Variants in SNX4 observed in about 807,000 individuals in gnomAD.
The protein encoded by SNX4 is sorting nexin-4.
In SNX4, 49 loss-of-function variants were observed where a neutral mutation model predicts 70.8. The ratio of observed to expected loss-of-function variants is 0.69; its 90% CI spans 0.55 to 0.88. The LOEUF (loss-of-function observed/expected upper bound fraction) is 0.88. Ranked by LOEUF, SNX4 falls within the 40% of genes least tolerant of loss-of-function variation. The pLI, the probability that SNX4 is intolerant of heterozygous loss-of-function variation, is 0.00. For missense variants in SNX4, 528 were observed against 544.8 expected, an observed-to-expected ratio of 0.97 and a Z score of 0.31; for synonymous variants, 206 against 183.8, an observed-to-expected ratio of 1.12 and a Z score of -0.98.
intron 6 of SNX4, among the ~76,000 whole-genome samples, chr3:125,482,186 T>C (rs1330704329): frequency 6.6e-6 from 1 of 152,222 alleles, no homozygotes; most frequent in Non-Finnish European, 1.5e-5. Context: ...ATGATCTACA[T>C]ATTGCTAAAT....
intron 2 of SNX4, among the ~76,000 whole-genome samples, chr3:125,503,367 C>G (rs1328336012): frequency 2.0e-5 from 3 of 152,158 alleles, no homozygotes; most frequent in Non-Finnish European, 4.4e-5. Context: ...TGAGTCTTCC[C>G]TTGCCTTTCT....
chr3:125,481,131 C>T (rs1312405550), intron 6 of SNX4, among the ~76,000 whole-genome samples: 1 of 152,204 alleles, frequency 6.6e-6, no homozygotes, highest in African/African-American at 2.4e-5. Context: ...CTTCCATTCC[C>T]ATATACTGCA....
Position 125,451,392 on chromosome 3 carries a change from A to T in SNX4, c.1218T>A (p.Asp406Glu). ...GREFVKNAWA[D>E]IERFKEQKNR... Reference sequence around the variant, plus strand: ...TCTTTTGTTCTTTGAAGCGTTCAATATCAGCCCATGCGTTTTTCACAAATT... The same window carrying T: ...TCTTTTGTTCTTTGAAGCGTTCAATTTCAGCCCATGCGTTTTTCACAAATT... Residue 406 changes from aspartate (D) to glutamate (E), a missense_variant, in exon 13 of 14, where the codon GAT becomes GAA. This residue lies in a region of SNX4 where 159 missense variants were observed against 172.6 expected (regional missense o/e 0.92). Coordinates refer to ENST00000251775, the MANE Select transcript of SNX4 (RefSeq NM_003794.4). 6.2e-7 allele frequency: 1 copy of T among 1,613,682 alleles called. No individual in the cohort carries two copies. Among genetic ancestry groups the T allele is most frequent in the African/African-American group, 1.3e-5 (1 of 75,038 alleles).
chr3:125,517,584 C>T (rs926469626), intron 1 of SNX4, among the ~76,000 whole-genome samples: 3 of 152,192 alleles, frequency 2.0e-5, no homozygotes, highest in African/African-American at 4.8e-5. Flanking sequence ...GGAAGGAATG[C>T]ACTGAATGTA....
rs1382096789 is a variant in SNX4 at position 125,452,927 on chromosome 3, A to G, written c.1190+883T>C. 3.3e-5 allele frequency among the ~76,000 whole-genome samples: 5 copies of G among 152,142 alleles called. No individual in the cohort carries two copies. The South Asian group carries it at 6.2e-4, about 19-fold the overall frequency. ...CTACCGCGCCCGGCCTGTCTTTTTT[A>G]ATTCTATCTATTACTTTGCCATATT... is the stretch of plus-strand genomic sequence containing the variant. On this transcript the variant is annotated intron_variant, in intron 12 of 13. Transcript: ENST00000251775.
At chr3:125,519,051 C>T (rs1191726648) in intron 1 of SNX4, among the ~76,000 whole-genome samples, 4 of 151,504 alleles carry the variant, frequency 2.6e-5, no homozygotes, top group South Asian at 2.1e-4. Flanking sequence ...TTTAGCCGTG[C>T]GTGGTGGTGT....
chr3:125,492,828 T>A (rs1330986848), intron 5 of SNX4, among the ~76,000 whole-genome samples: 1 of 152,074 alleles, frequency 6.6e-6, no homozygotes, highest in Non-Finnish European at 1.5e-5. Context: ...TCTCTCAGAG[T>A]TCCTGTGCAA....
intron 8 of SNX4, among the ~76,000 whole-genome samples, chr3:125,470,281 T>C (rs1164125586): frequency 6.6e-6 from 1 of 152,144 alleles, no homozygotes; most frequent in African/African-American, 2.4e-5. Context: ...TATTTTCCCA[T>C]ACTATTAAAA....
chr3:125,495,250 T>TTATATATATATATATATATATATATA (rs759787193), intron 5 of SNX4, among the ~76,000 whole-genome samples: 672 of 37,862 alleles, frequency 0.018, 74 homozygotes, highest in Non-Finnish European at 0.031. Context: ...CATTCTCTCT[T>TTATATATATATATATATATATATATA]TATATATATA....
intron 6 of SNX4, among the ~76,000 whole-genome samples, chr3:125,488,632 T>C (rs925229861): frequency 8.5e-5 from 13 of 152,208 alleles, no homozygotes; most frequent in Non-Finnish European, 1.6e-4. Context: ...TCAGGCATAA[T>C]AGGTCATCAG....
chr3:125,506,817 T>TGAAAAAAAAAAAAAAAAAAAAAAAAA (rs199752160), intron 1 of SNX4, among the ~76,000 whole-genome samples: 1 of 26,820 alleles, frequency 3.7e-5, no homozygotes, highest in African/African-American at 9.7e-5. Flanking sequence ...GTGGAGAAAG[T>TGAAAAAAAAAAAAAAAAAAAAAAAAA]AAAAAAAAAA....
At chr3:125,472,201 G>GA (rs1328401920) in intron 8 of SNX4, among the ~76,000 whole-genome samples, 1 of 151,662 alleles carries the variant, frequency 6.6e-6, no homozygotes, top group Admixed American at 6.6e-5. Context: ...TTTCAATTAA[G>GA]AAAAAAAAGC....
intron 7 of SNX4, among the ~76,000 whole-genome samples, chr3:125,478,329 C>G (rs2107543974): frequency 6.6e-6 from 1 of 152,042 alleles, no homozygotes; most frequent in Admixed American, 6.6e-5. Context: ...CTTGGCCTCC[C>G]AAAGTGCTGG....
intron 10 of SNX4, among the ~76,000 whole-genome samples, chr3:125,460,436 T>C (rs969977959): frequency 6.6e-6 from 1 of 152,138 alleles, no homozygotes; most frequent in Admixed American, 6.5e-5. Flanking sequence ...AGAATAAAAA[T>C]AGCAATATAC....
intron 9 of SNX4, among the ~76,000 whole-genome samples, chr3:125,461,266 C>T (rs896682094): frequency 6.6e-6 from 1 of 152,078 alleles, no homozygotes. Flanking sequence ...AACAGCAATT[C>T]TAAGTGTGGC....
Position 125,495,275 on chromosome 3 carries a change from T to TATATATATATATACACACACACAC in SNX4, c.597+2065_597+2066insGTGTGTGTGTGTATATATATATAT. Among the ~76,000 whole-genome samples the TATATATATATATACACACACACAC allele has an allele frequency of 1.1e-3, 93 of 83,048 alleles. 2 individuals are homozygous for TATATATATATATACACACACACAC. The highest frequency in any genetic ancestry group is 3.2e-3 in the African/African-American group (87 of 27,576). The allele number at this position is 83,048 out of a possible 152,430, so 54.5% of individuals were successfully genotyped here. A position where few individuals can be genotyped will look rare whatever the true frequency, so the allele number is the denominator to read the frequency against. On this transcript the variant is annotated intron_variant, in intron 5 of 13. Transcript: ENST00000251775. ...TTATATATATATATATATATATATA[T>TATATATATATATACACACACACAC]ATACACATACACACACACACACGTA...
intron 9 of SNX4, among the ~76,000 whole-genome samples, chr3:125,463,325 T>C (rs901913822): frequency 9.2e-5 from 14 of 152,192 alleles, no homozygotes; most frequent in Non-Finnish European, 1.6e-4. Context: ...CCTAAGTCTA[T>C]GATTCTGGAA....
At chr3:125,503,934 C>A (rs960920368) in intron 2 of SNX4, among the ~76,000 whole-genome samples, 2 of 152,160 alleles carry the variant, frequency 1.3e-5, no homozygotes, top group Non-Finnish European at 2.9e-5. Flanking sequence ...CAGTGGCTCA[C>A]ACGAGTAATC....
chr3:125,497,820 TA>T lies in SNX4; in HGVS notation c.549+13del. 2 of 1,555,528 alleles carry T rather than the reference TA, an allele frequency of 1.3e-6. No individual in the cohort carries two copies. Among genetic ancestry groups the T allele is most frequent in the South Asian group, 1.2e-5 (1 of 82,056 alleles). On this transcript the variant is annotated intron_variant, in intron 4 of 13. Coordinates refer to ENST00000251775, the MANE Select transcript of SNX4 (RefSeq NM_003794.4). ...AAATGAATATTTTACTAAGACTAAATAAAAGAAAAATACCTGTGTTAAAAAC... is the reference window on the plus strand; with the variant it reads ...AAATGAATATTTTACTAAGACTAAATAAAGAAAAATACCTGTGTTAAAAAC...
Sources: gnomAD v4.1 joint callset for allele counts (sites outside exome capture counted in the v4.1 genomes callset) on GRCh38, gnomAD v4.1.1 for gene constraint, gnomAD v4.1.1 regional missense constraint, MANE v1.5 for transcripts, NCBI Gene and HGNC (gene_info 2026-07-23, HGNC 2026-07-21) for gene names.